Variants in CNTN6 observed in about 807,000 individuals in gnomAD.
The protein encoded by CNTN6 is contactin-6.
CNTN6 carries 137 observed loss-of-function variants against 122.8 expected under a neutral mutation model. The ratio of observed to expected loss-of-function variants is 1.12; its 90% CI spans 0.97 to 1.29. The LOEUF (loss-of-function observed/expected upper bound fraction) is 1.29. CNTN6 is among the 50% of genes most tolerant of loss of function. CNTN6 has a pLI of 0.00. For missense variants in CNTN6, 1,634 were observed against 1,223.4 expected (o/e 1.34, Z -5.01); for synonymous variants, 570 against 426.0 (o/e 1.34, Z -4.16).
intron 5 of CNTN6, among the ~76,000 whole-genome samples, chr3:1,285,388 A>G (rs1227466251): frequency 6.6e-6 from 1 of 152,100 alleles, no homozygotes; most frequent in African/African-American, 2.4e-5. Flanking sequence ...AGGAGATGTT[A>G]ATGTTCAGAT....
intron 1 of CNTN6, among the ~76,000 whole-genome samples, chr3:1,102,501 T>C (rs6789876): frequency 0.26 from 37,856 of 147,610 alleles, 9,799 homozygotes; most frequent in African/African-American, 0.67. Flanking sequence ...GAGGCCGAGG[T>C]GGGCGGATCA....
In CNTN6 at chr3:1,373,639, G is replaced by T; in HGVS notation, c.1822G>T (p.Asp608Tyr). 1 of 1,612,616 alleles carries T rather than the reference G, an allele frequency of 6.2e-7. No homozygotes were observed. The highest frequency in any genetic ancestry group is 1.1e-5 in the South Asian group (1 of 91,004). The change falls in exon 15 of 23, where the codon GAC becomes TAC. Residue 608 changes from aspartate (D) to tyrosine (Y), a missense_variant. Asp to Tyr is a radical substitution (Grantham distance 160). Coordinates refer to ENST00000446702, the MANE Select transcript of CNTN6 (RefSeq NM_001289080.2). ...PGPPEDVQVE[D>Y]ISSTTSQLSW... ...TCCTCCTGAGGATGTGCAAGTGGAA[G>T]ACATTTCCAGTACTACTTCTCAACT...
intron 4 of CNTN6, among the ~76,000 whole-genome samples, chr3:1,275,312 T>C (rs972586748): frequency 6.6e-5 from 10 of 152,230 alleles, no homozygotes; most frequent in African/African-American, 2.2e-4. Context: ...CATGTCCTTA[T>C]CTGCTATCTA....
chr3:1,386,929 C>T (rs151100650), intron 20 of CNTN6, among the ~76,000 whole-genome samples: 4,059 of 151,804 alleles, frequency 0.027, 86 homozygotes, highest in Middle Eastern at 0.085. Flanking sequence ...TTTGTCATGT[C>T]CAAAAGAAGT....
intron 5 of CNTN6, among the ~76,000 whole-genome samples, chr3:1,283,114 A>G (rs1230830420): frequency 6.6e-6 from 1 of 152,102 alleles, no homozygotes; most frequent in Admixed American, 6.6e-5. Flanking sequence ...CTGGGACTAC[A>G]GGTGCATGCC....
chr3:1,308,812 T>A (rs1487767391), intron 7 of CNTN6, among the ~76,000 whole-genome samples: 2 of 152,314 alleles, frequency 1.3e-5, no homozygotes, highest in South Asian at 2.1e-4. Flanking sequence ...TGTTTTGTTT[T>A]GTTTTTTAGC....
intron 1 of CNTN6, among the ~76,000 whole-genome samples, chr3:1,119,657 CCCTTT>C (rs147850697): frequency 0.062 from 9,406 of 151,818 alleles, 989 homozygotes; most frequent in African/African-American, 0.21. Flanking sequence ...CATTTTTCTA[CCCTTT>C]CCTTTATTCA....
chr3:1,134,901 A>G (rs763335628), intron 1 of CNTN6, among the ~76,000 whole-genome samples: 33 of 152,066 alleles, frequency 2.2e-4, no homozygotes, highest in Non-Finnish European at 4.1e-4. Context: ...CTTAGATAAT[A>G]TTTTAGTCCC....
chr3:1,272,462 A>G (rs2095042657), intron 4 of CNTN6, among the ~76,000 whole-genome samples: 1 of 152,250 alleles, frequency 6.6e-6, no homozygotes, highest in Non-Finnish European at 1.5e-5. Context: ...TTCTCCATAT[A>G]TTAAAAAATG....
At chr3:1,200,491 C>A (rs2093847566) in intron 2 of CNTN6, among the ~76,000 whole-genome samples, 1 of 152,114 alleles carries the variant, frequency 6.6e-6, no homozygotes, top group Non-Finnish European at 1.5e-5. Context: ...TCAAAGGAAG[C>A]CAGAGGCATT....
At chr3:1,354,222 A>G (rs7648067) in intron 12 of CNTN6, among the ~76,000 whole-genome samples, 58,870 of 151,230 alleles carry the variant, frequency 0.39, 12,861 homozygotes, top group African/African-American at 0.57. Context: ...TAATATAGCC[A>G]TGTTTTCTGC....
At chr3:1,146,107 G>C (rs1312153092) in intron 1 of CNTN6, among the ~76,000 whole-genome samples, 3 of 151,904 alleles carry the variant, frequency 2.0e-5, no homozygotes, top group Admixed American at 1.3e-4. Flanking sequence ...TATAATTCCA[G>C]TTTTTACTCC....
At chr3:1,191,434 T>C (rs1009692835) in intron 2 of CNTN6, among the ~76,000 whole-genome samples, 2 of 152,046 alleles carry the variant, frequency 1.3e-5, no homozygotes, top group African/African-American at 4.8e-5. Context: ...GCCTATGAGG[T>C]TTGGAAAGTT....
chr3:1,179,023 C>T (rs970716780), intron 2 of CNTN6, among the ~76,000 whole-genome samples: 9 of 152,134 alleles, frequency 5.9e-5, no homozygotes, highest in African/African-American at 1.7e-4. Flanking sequence ...ACAAGAAGCA[C>T]GGTGCCAACA....
intron 7 of CNTN6, among the ~76,000 whole-genome samples, chr3:1,316,687 C>T (rs1367180354): frequency 6.6e-6 from 1 of 151,842 alleles, no homozygotes; most frequent in Non-Finnish European, 1.5e-5. Context: ...TCTCTCTTTA[C>T]TACATACATA....
chr3:1,094,673 A>G (rs1472059152), intron 1 of CNTN6, among the ~76,000 whole-genome samples: 1 of 151,858 alleles, frequency 6.6e-6, no homozygotes, highest in Non-Finnish European at 1.5e-5. Context: ...AGGATCACAT[A>G]TTTTCTCTGA....
chr3:1,234,041 C>T (rs1162732763), intron 4 of CNTN6, among the ~76,000 whole-genome samples: 2 of 152,070 alleles, frequency 1.3e-5, no homozygotes, highest in African/African-American at 2.4e-5. Flanking sequence ...GGTTTTACAC[C>T]TGCCATGCCA....
At chr3:1,276,686 C>T (rs76400326) in intron 4 of CNTN6, among the ~76,000 whole-genome samples, 5,980 of 152,232 alleles carry the variant, frequency 0.039, 169 homozygotes, top group South Asian at 0.067. Flanking sequence ...ATGGCTGTCT[C>T]TTTCTCATCT....
chr3:1,388,375 C>T (rs1413111531), intron 20 of CNTN6, among the ~76,000 whole-genome samples: 2 of 149,268 alleles, frequency 1.3e-5, no homozygotes, highest in East Asian at 1.9e-4. Flanking sequence ...GGAAAACTAA[C>T]AAACAGAAAG....
Sources: gnomAD v4.1 joint callset for allele counts (sites outside exome capture counted in the v4.1 genomes callset) on GRCh38, gnomAD v4.1.1 for gene constraint, MANE v1.5 for transcripts, NCBI Gene and HGNC (gene_info 2026-07-23, HGNC 2026-07-21) for gene names.